TARBP1: variants seen among roughly 807,000 people sequenced by gnomAD.
TARBP1 encodes the protein tRNA guanosine 2 -O-methyltransferase TARBP1, also known as tRNA (guanosine(18)-2'-O)-methyltransferase TARBP1.
In TARBP1, 144 loss-of-function variants were observed where a neutral mutation model predicts 178.6. The observed-to-expected ratio is 0.81, with a 90% CI of 0.70 to 0.93. TARBP1 has a LOEUF of 0.93. TARBP1 is among the 40% of genes least tolerant of loss of function. TARBP1 has a pLI of 0.00. For missense variants in TARBP1, 2,067 were observed against 2,011.7 expected (o/e 1.03, Z -0.53); for synonymous variants, 787 against 781.0 (o/e 1.01, Z -0.13).
intron 24 of TARBP1, among the ~76,000 whole-genome samples, chr1:234,404,951 C>T (rs577001257): frequency 3.3e-4 from 50 of 152,278 alleles, no homozygotes; most frequent in African/African-American, 1.2e-3. Context: ...TAGAAAGGTA[C>T]ATTGCGGGCC....
chr1:234,477,573 T>C (rs1401774191), intron 1 of TARBP1, among the ~76,000 whole-genome samples: 1 of 152,232 alleles, frequency 6.6e-6, no homozygotes, highest in Non-Finnish European at 1.5e-5. Flanking sequence ...CTCTTGCACA[T>C]AGTAGGGAGC....
chr1:234,425,924 T>TA (rs367707380), intron 19 of TARBP1, 131 bp from the exon 20 acceptor site: 4 of 648,852 alleles, frequency 6.2e-6, no homozygotes, highest in African/African-American at 5.5e-5. Context: ...GGTCCATACT[T>TA]AATGACAATA....
intron 11 of TARBP1, 46 bp from the exon 12 acceptor site, chr1:234,447,021 A>C (rs192916798): frequency 6.2e-7 from 1 of 1,602,398 alleles, no homozygotes; most frequent in East Asian, 2.3e-5. Context: ...CAAAAGCATA[A>C]GCAAATTGCT....
chr1:234,432,020 C>T (rs1328202780), intron 14 of TARBP1, among the ~76,000 whole-genome samples: 1 of 151,864 alleles, frequency 6.6e-6, no homozygotes, highest in African/African-American at 2.4e-5. Flanking sequence ...ACCTACAATC[C>T]CAGCTACTCA....
Position 234,471,277 on chromosome 1 carries a change from A to C in TARBP1, c.1030-20T>G. On this transcript the variant is annotated intron_variant, in intron 2 of 29. Transcript: ENST00000040877. ...ATGTATCTAAAAATAAGAGCAAAAA[A>C]ATCATATGAAATGAAAATGCATCTT... The C allele has an allele frequency of 6.8e-7, 1 of 1,480,386 alleles. No individual in the cohort carries two copies. Among genetic ancestry groups the C allele is most frequent in the Non-Finnish European group, 9.3e-7 (1 of 1,080,470 alleles). 91.7% of individuals were successfully genotyped at this position (1,480,386 alleles called of 1,614,324 possible).
At chr1:234,413,945 G>A (rs1204409483) in intron 22 of TARBP1, among the ~76,000 whole-genome samples, 1 of 152,214 alleles carries the variant, frequency 6.6e-6, no homozygotes, top group Non-Finnish European at 1.5e-5. Context: ...TTGTGCAACT[G>A]TATAGATGGT....
At chr1:234,432,465 T>C (rs951269886) in intron 14 of TARBP1, among the ~76,000 whole-genome samples, 7 of 152,058 alleles carry the variant, frequency 4.6e-5, no homozygotes, top group African/African-American at 1.7e-4. Flanking sequence ...TAGGAAAAGA[T>C]ATATATGCAT....
Position 234,405,978 on chromosome 1 carries a change from C to T in TARBP1, c.3914G>A (p.Ser1305Asn), listed in dbSNP as rs753062479. 5.6e-6 allele frequency: 9 copies of T among 1,614,082 alleles called. No individual in the cohort carries two copies. The highest frequency in any genetic ancestry group is 4.4e-5 in the South Asian group (4 of 91,094). ...KKLWTVCKVL[S>N]VEEFDALTPV... ...AGTCAGGGCATCAAATTCTTCAACA[C>T]TTAACACTTTACACACAGTCCAGAG... Residue 1305 changes from serine (S) to asparagine (N), a missense_variant, in exon 24 of 30, where the codon AGT becomes AAT. By Grantham distance (46) the Ser-to-Asn change is conservative. Coordinates refer to ENST00000040877, the MANE Select transcript of TARBP1 (RefSeq NM_005646.4).
chr1:234,452,778 T>C (rs1666904951), intron 9 of TARBP1, among the ~76,000 whole-genome samples: 1 of 152,170 alleles, frequency 6.6e-6, no homozygotes, highest in African/African-American at 2.4e-5. Flanking sequence ...TACAGTAGTC[T>C]TACAACTGCC....
At chr1:234,464,448 T>C (rs564400566) in intron 5 of TARBP1, among the ~76,000 whole-genome samples, 5 of 152,358 alleles carry the variant, frequency 3.3e-5, no homozygotes, top group African/African-American at 9.6e-5. Context: ...TATCTGCTAA[T>C]TGAACACATT....
At chr1:234,472,948 T>C in intron 1 of TARBP1, 137 bp from the exon 2 acceptor site, 1 of 703,412 alleles carries the variant, frequency 1.4e-6, no homozygotes, top group Non-Finnish European at 2.5e-6. Flanking sequence ...TATCAGAGCC[T>C]GGATAGGGGG....
chr1:234,445,981 T>C (rs900946118), intron 12 of TARBP1, among the ~76,000 whole-genome samples: 5 of 151,974 alleles, frequency 3.3e-5, no homozygotes, highest in Non-Finnish European at 7.4e-5. Context: ...CCTTAAGGAG[T>C]TGAAAGTCTT....
rs567170360 is a variant in TARBP1 at position 234,395,887 on chromosome 1, A to G, written c.4244-2050T>C. 1.1e-4 allele frequency among the ~76,000 whole-genome samples: 17 copies of G among 152,322 alleles called. No individual in the cohort carries two copies. The South Asian group carries it at 3.5e-3, about 32-fold the overall frequency. On this transcript the variant is annotated intron_variant, in intron 26 of 29. Transcript: ENST00000040877. ...AGATGACTATAGGTAACAATAATGT[A>G]TGTATACTTCCAAATAGCTAGAAGA...
rs111283864 is a variant in TARBP1, at chr1:234,429,430, C to T, written c.2857G>A (p.Val953Met). ...QVLPVFHCLK[V>M]LVPKLLTSSE... is the part of the protein sequence containing the mutation. Reference sequence around the variant, plus strand: ...CTCTATCTTACCTTGGGAACCAACACTTTCAAGCAATGGAACACTGGTAAA... The same window carrying T: ...CTCTATCTTACCTTGGGAACCAACATTTTCAAGCAATGGAACACTGGTAAA... Residue 953 changes from valine to methionine, a missense_variant, in exon 16 of 30, where the codon GTG becomes ATG. Transcript: ENST00000040877. 0.027 allele frequency: 43,209 copies of T among 1,612,018 alleles called. 817 individuals are homozygous for T. The highest frequency in any genetic ancestry group is 0.064 in the South Asian group (5,803 of 90,638).
chr1:234,407,193 G>A (rs1233600970), intron 23 of TARBP1: 1 of 152,174 alleles, frequency 6.6e-6, no homozygotes, highest in Non-Finnish European at 1.5e-5. Context: ...CCTTGTTACA[G>A]TCTTTTGTTA....
At chr1:234,432,334 C>T (rs1664531958) in intron 14 of TARBP1, among the ~76,000 whole-genome samples, 2 of 151,918 alleles carry the variant, frequency 1.3e-5, no homozygotes, top group African/African-American at 4.8e-5. Context: ...CCCAGCTACT[C>T]GGGAGGTTGA....
At chr1:234,430,028 T>C (rs1664254166) in intron 15 of TARBP1, 59 bp downstream of exon 15, 3 of 1,490,516 alleles carry the variant, frequency 2.0e-6, no homozygotes. Context: ...TGTTGGGCAA[T>C]CATGAACTCA....
At chr1:234,457,222 A>G (rs1667368758) in intron 9 of TARBP1, among the ~76,000 whole-genome samples, 1 of 152,188 alleles carries the variant, frequency 6.6e-6, no homozygotes, top group African/African-American at 2.4e-5. Flanking sequence ...ATGAGACAGG[A>G]GGGTTTCATG....
At chr1:234,416,685 T>C (rs1400684915) in intron 22 of TARBP1, among the ~76,000 whole-genome samples, 1 of 152,128 alleles carries the variant, frequency 6.6e-6, no homozygotes, top group Non-Finnish European at 1.5e-5. Flanking sequence ...CTTTGAGGAT[T>C]ATGGTGAGGC....
Sources: gnomAD v4.1 joint callset for allele counts (sites outside exome capture counted in the v4.1 genomes callset) on GRCh38, gnomAD v4.1.1 for gene constraint, MANE v1.5 for transcripts, NCBI Gene and HGNC (gene_info 2026-07-23, HGNC 2026-07-21) for gene names.